The following MAST2 variants were observed in gnomAD, a reference collection of about 807,000 sequenced individuals.
The protein encoded by MAST2 is microtubule-associated serine/threonine-protein kinase 2.
A neutral mutation model predicts 147.4 loss-of-function variants in MAST2; 70 were observed. That is an observed-to-expected ratio of 0.47 (90% CI 0.39 to 0.58). The LOEUF is 0.58. Ranked by LOEUF, MAST2 falls within the 20% of genes least tolerant of loss-of-function variation. The pLI is 0.00. For missense variants in MAST2, 2,080 were observed against 2,302.3 expected (o/e 0.90, Z 1.98); for synonymous variants, 869 against 896.8 (o/e 0.97, Z 0.55).
chr1:45,938,205 G>A (rs1180318877), intron 4 of MAST2, among the ~76,000 whole-genome samples: 1 of 152,196 alleles, frequency 6.6e-6, no homozygotes, highest in Non-Finnish European at 1.5e-5. Context: ...TATATTGTTT[G>A]CAGTTTGGGA....
chr1:45,929,334 A>AT (rs1654906879), intron 4 of MAST2, among the ~76,000 whole-genome samples: 1 of 152,046 alleles, frequency 6.6e-6, no homozygotes, highest in African/African-American at 2.4e-5. Flanking sequence ...TCAGTGTTTC[A>AT]TACCTGCTTA....
chr1:45,938,156 A>T (rs1656578884), intron 4 of MAST2, among the ~76,000 whole-genome samples: 1 of 152,184 alleles, frequency 6.6e-6, no homozygotes. Context: ...TATTGGATAG[A>T]CCATATTTTG....
intron 5 of MAST2, among the ~76,000 whole-genome samples, chr1:45,979,080 G>C (rs1031001120): frequency 1.3e-5 from 2 of 152,114 alleles, no homozygotes; most frequent in Non-Finnish European, 2.9e-5. Flanking sequence ...TATTTAGTTG[G>C]TAAAGCTATA....
In MAST2 at chr1:46,002,824, T is replaced by A; in HGVS notation, c.688T>A (p.Ser230Thr). ...PARRTDGRRWSLASLPSSGYG... is the reference protein window; with the variant it reads ...PARRTDGRRWTLASLPSSGYG... ...ATACAGGACTGATGGGCGGCGCTGG[T>A]CTTTGGCCTCTTTGCCCTCTTCAGG... Residue 230 changes from serine to threonine, a missense_variant, in exon 7 of 29, where the codon TCT becomes ACT. This residue lies in a region of MAST2 where 569 missense variants were observed against 642.5 expected (regional missense o/e 0.89). Transcript: ENST00000361297. 1 of 1,614,166 alleles carries A rather than the reference T, an allele frequency of 6.2e-7. No individual in the cohort carries two copies. The highest frequency in any genetic ancestry group is 8.5e-7 in the Non-Finnish European group (1 of 1,180,004).
chr1:46,010,196 G>A (rs367575020), intron 9 of MAST2, among the ~76,000 whole-genome samples: 5 of 152,266 alleles, frequency 3.3e-5, no homozygotes, highest in African/African-American at 1.2e-4. Flanking sequence ...CAAACTTCCC[G>A]GTTTAGAAAC....
chr1:46,024,030 CT>C, intron 15 of MAST2, 50 bp downstream of exon 15: 3 of 1,579,280 alleles, frequency 1.9e-6, no homozygotes, highest in Non-Finnish European at 2.6e-6. Context: ...CAGTCTGAGA[CT>C]TAGCCTTAAA....
At chr1:45,883,988 A>G (rs1207400981) in intron 4 of MAST2, among the ~76,000 whole-genome samples, 1 of 126,942 alleles carries the variant, frequency 7.9e-6, no homozygotes, top group Non-Finnish European at 1.6e-5. Context: ...TAAGTGAAAT[A>G]AATTAAGGCC....
In MAST2 at chr1:45,995,998, A is replaced by G. The variant is rs74227066; in HGVS notation, c.593-1726A>G. On this transcript the variant is annotated intron_variant, in intron 5 of 28. Coordinates refer to ENST00000361297, the MANE Select transcript of MAST2 (RefSeq NM_015112.3). ...AAATGGTCCGCCATTATTTCTTCCT[A>G]TCTTTTTTCTGTATCCCCTGCTCTC... Among the ~76,000 whole-genome samples, 91 of 151,568 alleles carry G rather than the reference A, an allele frequency of 6.0e-4. No homozygotes were observed. In the East Asian group the frequency reaches 0.013, roughly 22 times the overall value.
chr1:45,807,265 TTTCTC>T (rs1311936102), intron 1 of MAST2, among the ~76,000 whole-genome samples: 47 of 152,330 alleles, frequency 3.1e-4, no homozygotes, highest in Admixed American at 2.6e-3. Flanking sequence ...TGTCTTGTGT[TTTCTC>T]TTCCTGTTCC....
chr1:45,886,459 TATGA>T (rs1221166602), intron 4 of MAST2, among the ~76,000 whole-genome samples: 2 of 151,948 alleles, frequency 1.3e-5, no homozygotes, highest in African/African-American at 4.8e-5. Flanking sequence ...GCAAGGTGGT[TATGA>T]AAGTTCTTTT....
chr1:45,895,341 G>T (rs771060528), intron 4 of MAST2, among the ~76,000 whole-genome samples: 6 of 152,000 alleles, frequency 3.9e-5, no homozygotes, highest in Middle Eastern at 3.4e-3. Context: ...ATTTCTCTTG[G>T]GTACATACCC....
rs869216588 is a variant in MAST2, at chr1:45,994,274, C to CTTTTTTTTTTTTTTTTT, written c.593-3441_593-3425dup. 1.5e-4 allele frequency among the ~76,000 whole-genome samples: 9 copies of CTTTTTTTTTTTTTTTTT among 62,028 alleles called. 2 individuals are homozygous for CTTTTTTTTTTTTTTTTT. Among genetic ancestry groups the CTTTTTTTTTTTTTTTTT allele is most frequent in the Admixed American group, 7.3e-4 (3 of 4,126 alleles). 40.7% of individuals were successfully genotyped at this position (62,028 alleles called of 152,430 possible). A position where few individuals can be genotyped will look rare whatever the true frequency, so the allele number is the denominator to read the frequency against. On this transcript the variant is annotated intron_variant, in intron 5 of 28. Transcript: ENST00000361297. ...GCAAGTGGCTCAAAGCCCTAACCCT[C>CTTTTTTTTTTTTTTTTT]TTTTTTTTTTTTTTTTTTTTTTTTT...
intron 4 of MAST2, among the ~76,000 whole-genome samples, chr1:45,885,920 G>A (rs2148341259): frequency 6.6e-6 from 1 of 152,236 alleles, no homozygotes; most frequent in East Asian, 1.9e-4. Flanking sequence ...ATATCAGAGA[G>A]GAGGATGTGT....
intron 21 of MAST2, 95 bp downstream of exon 21, chr1:46,030,333 TG>T: frequency 1.6e-6 from 2 of 1,228,202 alleles, no homozygotes; most frequent in Non-Finnish European, 2.3e-6. Flanking sequence ...CTCAGGGAGT[TG>T]GGGTTGGGGC....
In MAST2 at chr1:46,034,758, A is replaced by G. The variant is rs779803154; in HGVS notation, c.4089A>G (p.Pro1363=). 3 of 1,612,578 alleles carry G rather than the reference A, an allele frequency of 1.9e-6. No individual in the cohort carries two copies. The South Asian group carries it at 3.3e-5, about 18-fold the overall frequency. Residue 1363 remains proline, a synonymous_variant, in exon 29 of 29, where the codon CCA becomes CCG. Coordinates refer to ENST00000361297, the MANE Select transcript of MAST2 (RefSeq NM_015112.3). ...CAACAGCTTCACCTCAGCGGTCCCC[A>G]TCGCCCCTGTCTGGCCATGTAGCCC... ...PPPTASPQRS[P]SPLSGHVAQA... is the part of the protein sequence containing the mutation.
intron 18 of MAST2, 47 bp downstream of exon 18, chr1:46,028,980 A>C: frequency 1.3e-6 from 2 of 1,521,434 alleles, no homozygotes; most frequent in African/African-American, 2.8e-5. Context: ...GTCTGAATCC[A>C]CAAATATGAT....
intron 4 of MAST2, among the ~76,000 whole-genome samples, chr1:45,906,603 T>C (rs1650772897): frequency 6.7e-6 from 1 of 148,322 alleles, no homozygotes; most frequent in South Asian, 2.1e-4. Flanking sequence ...GTATATATTA[T>C]TGTTATTATA....
rs113002414 is a variant in MAST2 at position 45,886,978 on chromosome 1, C to T, written c.500+4583C>T. 1.7e-3 allele frequency among the ~76,000 whole-genome samples: 264 copies of T among 152,284 alleles called. 1 individual carries two copies. Among genetic ancestry groups the T allele is most frequent in the Middle Eastern group, 6.8e-3 (2 of 294 alleles). On this transcript the variant is annotated intron_variant, in intron 4 of 28. Coordinates refer to ENST00000361297, the MANE Select transcript of MAST2 (RefSeq NM_015112.3). ...GAGTAGCTGGCACCACAGGCACCTG[C>T]CACCACATCTGGCTAATTTTTGTAT...
chr1:46,022,218 G>C, intron 12 of MAST2, 136 bp downstream of exon 12: 1 of 1,040,632 alleles, frequency 9.6e-7, no homozygotes, highest in Admixed American at 2.6e-5. Flanking sequence ...GATTTTAGGA[G>C]ATACCCTGTG....
Sources: allele counts gnomAD v4.1 joint callset (sites outside exome capture counted in the v4.1 genomes callset), GRCh38; gene constraint gnomAD v4.1.1; regional missense constraint gnomAD v4.1.1; transcripts MANE v1.5; gene names NCBI Gene and HGNC (gene_info 2026-07-23, HGNC 2026-07-21).